ZZEF1: variants seen among roughly 807,000 people sequenced by gnomAD.
ZZEF1 encodes zinc finger ZZ-type and EF-hand domain-containing protein 1.
A neutral mutation model predicts 342.8 loss-of-function variants in ZZEF1; 157 were observed. The ratio of observed to expected loss-of-function variants is 0.46; its 90% CI spans 0.40 to 0.52. The LOEUF (loss-of-function observed/expected upper bound fraction) is 0.52. Ranked by LOEUF, ZZEF1 falls within the 20% of genes least tolerant of loss-of-function variation. The pLI is 0.00. For synonymous variants in ZZEF1, 1,505 were observed against 1,429.1 expected (o/e 1.05, Z -1.20); for missense variants, 3,480 against 3,725.6 (o/e 0.93, Z 1.72).
At chr17:4,073,675 A>C (rs976376427) in intron 24 of ZZEF1, among the ~76,000 whole-genome samples, 1 of 152,182 alleles carries the variant, frequency 6.6e-6, no homozygotes, top group Non-Finnish European at 1.5e-5. Flanking sequence ...CCTGGGATCA[A>C]GAAATCCTCC....
At chr17:4,113,414 G>A (rs187696268) in intron 4 of ZZEF1, among the ~76,000 whole-genome samples, 9 of 152,306 alleles carry the variant, frequency 5.9e-5, no homozygotes, top group Admixed American at 5.9e-4. Flanking sequence ...AAGAGGCCAG[G>A]CACGGTGGCT....
Position 4,032,846 on chromosome 17 carries a change from C to A in ZZEF1, c.6741G>T (p.Val2247=). ...GTGGTACCTGGGGGAAGCCAACCAG[C>A]ACGAGCAGGGTGAAGATGTTGGTGT... is the stretch of plus-strand genomic sequence containing the variant. ...LKHTNIFTLL[V]LVGFPQVLCV... The change falls in exon 41 of 55, where the codon GTG becomes GTT. Residue 2247 remains valine, a synonymous_variant. Coordinates refer to ENST00000381638, the MANE Select transcript of ZZEF1 (RefSeq NM_015113.4). 6.2e-7 allele frequency: 1 copy of A among 1,614,146 alleles called. No homozygotes were observed.
At chr17:4,098,449 TAAATTA>T (rs2058076282) in intron 9 of ZZEF1, among the ~76,000 whole-genome samples, 1 of 152,094 alleles carries the variant, frequency 6.6e-6, no homozygotes, top group Non-Finnish European at 1.5e-5. Flanking sequence ...TTAAAGTAAA[TAAATTA>T]AAAGTATGAA....
At chr17:4,132,505 T>G (rs541501403) in intron 1 of ZZEF1, among the ~76,000 whole-genome samples, 1 of 152,124 alleles carries the variant, frequency 6.6e-6, no homozygotes, top group East Asian at 1.9e-4. Flanking sequence ...AAGACCATCC[T>G]GGCTAACACG....
chr17:4,083,715 A>G (rs1019655538), intron 16 of ZZEF1, among the ~76,000 whole-genome samples: 2 of 143,338 alleles, frequency 1.4e-5, no homozygotes, highest in African/African-American at 5.2e-5. Context: ...TCCGCTCACC[A>G]CAACCTCTGC....
chr17:4,111,244 C>A (rs2054039), intron 5 of ZZEF1, among the ~76,000 whole-genome samples: 61,906 of 151,858 alleles, frequency 0.41, 12,807 homozygotes, highest in African/African-American at 0.48. Flanking sequence ...CAAATACACA[C>A]ACACACGGAA....
Position 4,008,967 on chromosome 17 carries a change from A to G in ZZEF1, c.8734-13T>C. 1.3e-6 allele frequency: 2 copies of G among 1,539,266 alleles called. No individual in the cohort carries two copies. The highest frequency in any genetic ancestry group is 1.7e-6 in the Non-Finnish European group (2 of 1,146,826). On this transcript the variant is annotated splice_polypyrimidine_tract_variant and intron_variant, in intron 53 of 54. Transcript: ENST00000381638. The surrounding 1 kb of genome is among the most constrained non-coding windows in gnomAD (Gnocchi z 4.2). ...GCACGCCAAGCTCCTGCAGAGAGAG[A>G]GCAGGGGCTGTGAGTGACAGCGCCA...
chr17:4,077,090 G>T, intron 19 of ZZEF1, 101 bp from the exon 20 acceptor site: 1 of 1,215,484 alleles, frequency 8.2e-7, no homozygotes. Context: ...AAGCTGCAGA[G>T]GGGGTTCCAC....
In ZZEF1 at chr17:4,016,398, C is replaced by T. The variant is rs2056101929; in HGVS notation, c.8070G>A (p.Gln2690=). ...MLGTMALAAC[Q]FMEEPGMEVQ... ...CCTCCATTCCTGGCTCCTCCATGAA[C>T]TGGCATGCAGCCAGGGCCATGGTCC... Residue 2690 remains glutamine, a synonymous_variant, in exon 49 of 55, where the codon CAG becomes CAA. Transcript: ENST00000381638. This position sits in a 1 kb window ranked among gnomAD's most constrained non-coding sequence, Gnocchi z 4.4. The T allele has an allele frequency of 1.2e-6, 2 of 1,614,206 alleles. No homozygotes were observed. The highest frequency in any genetic ancestry group is 1.7e-6 in the Non-Finnish European group (2 of 1,180,046).
intron 9 of ZZEF1, among the ~76,000 whole-genome samples, chr17:4,101,174 G>C (rs2058120676): frequency 6.6e-6 from 1 of 152,182 alleles, no homozygotes; most frequent in African/African-American, 2.4e-5. Flanking sequence ...GAGGAGCACT[G>C]AGGAGAGGAG....
At position 4,019,739 on chromosome 17, in the gene ZZEF1, G is replaced by A. The variant is rs1325287382; in HGVS notation, c.7435C>T (p.His2479Tyr). 3.1e-6 allele frequency: 5 copies of A among 1,612,044 alleles called. No individual in the cohort carries two copies. The highest frequency in any genetic ancestry group is 1.3e-5 in the African/African-American group (1 of 74,870). The part of the protein sequence containing the change: ...MAHDALNAPL[H>Y]ILRAIYELQM... ...AGTTCGTATATGGCCCGGAGAATGT[G>A]CAGAGGGGCATTGAGGGCATCATGA... The change falls in exon 46 of 55, where the codon CAC becomes TAC. Residue 2479 changes from histidine to tyrosine, a missense_variant. By Grantham distance (83) the His-to-Tyr change is moderately conservative. Transcript: ENST00000381638.
intron 42 of ZZEF1, among the ~76,000 whole-genome samples, chr17:4,029,057 T>C (rs1406471886): frequency 6.6e-6 from 1 of 152,194 alleles, no homozygotes; most frequent in Admixed American, 6.5e-5. Flanking sequence ...TTAGAACAAG[T>C]AGATAAAACA....
In ZZEF1 at chr17:4,017,806, A is replaced by G. The variant is rs948583418; in HGVS notation, c.7641+30T>C. On this transcript the variant is annotated intron_variant, in intron 47 of 54. Transcript: ENST00000381638. The surrounding 1 kb of genome is among the most constrained non-coding windows in gnomAD (Gnocchi z 5.1). ...GTATGGGGTGGGGGATGGGGTGCAGATACTTTGGGTCCGAGGTCGGGTGAC... is the reference window on the plus strand; with the variant it reads ...GTATGGGGTGGGGGATGGGGTGCAGGTACTTTGGGTCCGAGGTCGGGTGAC... The G allele has an allele frequency of 3.1e-6, 5 of 1,614,034 alleles. No homozygotes were observed. The highest frequency in any genetic ancestry group is 4.2e-6 in the Non-Finnish European group (5 of 1,180,026).
intron 11 of ZZEF1, among the ~76,000 whole-genome samples, chr17:4,093,280 G>C (rs1428159750): frequency 6.6e-6 from 1 of 152,162 alleles, no homozygotes; most frequent in Non-Finnish European, 1.5e-5. Context: ...GAAAAGCAGT[G>C]TTTAAAAAGG....
chr17:4,007,885 TGGCTGGGTGTCCC>T (rs898359115), intron 54 of ZZEF1, among the ~76,000 whole-genome samples: 5 of 151,800 alleles, frequency 3.3e-5, no homozygotes, highest in African/African-American at 7.2e-5. Flanking sequence ...GCAGGGCTCT[TGGCTGGGTGTCCC>T]GGCTGGGTGT....
chr17:4,086,401 C>A, intron 15 of ZZEF1, 85 bp downstream of exon 15: 5 of 1,429,188 alleles, frequency 3.5e-6, no homozygotes, highest in Non-Finnish European at 3.8e-6. Context: ...CTCGCATCAT[C>A]GTAGGACAGC....
At chr17:4,101,287 G>A (rs1363342767) in intron 9 of ZZEF1, among the ~76,000 whole-genome samples, 1 of 152,034 alleles carries the variant, frequency 6.6e-6, no homozygotes, top group African/African-American at 2.4e-5. Flanking sequence ...GAGAACATAC[G>A]AGGACTCATT....
At chr17:4,069,849 A>G (rs2057474620) in intron 26 of ZZEF1, among the ~76,000 whole-genome samples, 1 of 152,122 alleles carries the variant, frequency 6.6e-6, no homozygotes, top group Admixed American at 6.5e-5. Context: ...AAACAAAACA[A>G]AACAAAATGA....
chr17:4,012,077 G>A (rs1194568865), intron 52 of ZZEF1, among the ~76,000 whole-genome samples: 2 of 152,262 alleles, frequency 1.3e-5, no homozygotes, highest in Non-Finnish European at 2.9e-5. Flanking sequence ...GTTGCCAATG[G>A]CCAGCAGACT....
Sources: allele counts gnomAD v4.1 joint callset (sites outside exome capture counted in the v4.1 genomes callset), GRCh38; gene constraint gnomAD v4.1.1; non-coding constraint Gnocchi (gnomAD v3.1); transcripts MANE v1.5; gene names NCBI Gene and HGNC (gene_info 2026-07-23, HGNC 2026-07-21).